Variants in TRIO observed in about 807,000 individuals in gnomAD.
TRIO encodes the protein triple functional domain protein.
TRIO carries 58 observed loss-of-function variants against 351.9 expected under a neutral mutation model. That is an observed-to-expected ratio of 0.16 (90% CI 0.13 to 0.21). The LOEUF is 0.21. TRIO is among the 10% of genes least tolerant of loss of function. The pLI is 1.00. For synonymous variants in TRIO, 1,758 were observed against 1,595.7 expected (o/e 1.10, Z -2.42); for missense variants, 3,201 against 4,027.8 (o/e 0.79, Z 5.56).
intron 1 of TRIO, among the ~76,000 whole-genome samples, chr5:14,252,397 G>A (rs937450848): frequency 7.2e-5 from 11 of 152,308 alleles, no homozygotes; most frequent in African/African-American, 2.4e-4. Context: ...CACGTTTACT[G>A]TTAGGTGCCC....
chr5:14,400,415 C>G lies in TRIO; in HGVS notation c.4615-548C>G, dbSNP rs150646806. ...TGGGGGAGGGGCTGAAGCTATTGAC[C>G]TTTCTCTGCATGCTTCCATGTTCTG... On this transcript the variant is annotated intron_variant, in intron 30 of 56. Transcript: ENST00000344204. 3.9e-3 allele frequency among the ~76,000 whole-genome samples: 601 copies of G among 152,232 alleles called. 9 individuals carry two copies. Among genetic ancestry groups the G allele is most frequent in the Admixed American group, 0.03 (466 of 15,298 alleles).
At chr5:14,272,111 C>G (rs1488667679) in intron 2 of TRIO, among the ~76,000 whole-genome samples, 2 of 152,194 alleles carry the variant, frequency 1.3e-5, no homozygotes, top group Admixed American at 1.3e-4. Context: ...TTGCTCTTCT[C>G]TAATCATTTA....
chr5:14,481,595 G>C lies in TRIO; in HGVS notation c.6442G>C (p.Val2148Leu), dbSNP rs915775173. ...VPRRCNDMMN[V>L]GRLQGFDGKI... Reference sequence around the variant, plus strand: ...CAGGCGGTGCAACGACATGATGAACGTGGGGCGGCTGCAAGGATTCGACGT... The same window carrying C: ...CAGGCGGTGCAACGACATGATGAACCTGGGGCGGCTGCAAGGATTCGACGT... Residue 2148 changes from valine to leucine, a missense_variant, in exon 45 of 57, where the codon GTG becomes CTG. Physicochemically the swap from Val to Leu is conservative, Grantham distance 32. Around this residue, in one of 19 missense-constraint regions of TRIO, gnomAD observed 307 missense variants for 396.5 expected, o/e 0.77. Transcript: ENST00000344204. 2 of 1,614,032 alleles carry C rather than the reference G, an allele frequency of 1.2e-6. No individual in the cohort carries two copies. The highest frequency in any genetic ancestry group is 1.3e-5 in the African/African-American group (1 of 74,982).
intron 49 of TRIO, among the ~76,000 whole-genome samples, chr5:14,496,540 C>G (rs562878394): frequency 6.6e-6 from 1 of 152,332 alleles, no homozygotes; most frequent in Admixed American, 6.5e-5. Flanking sequence ...CTGGACCCAT[C>G]AAAATGTTCA....
chr5:14,147,057 G>GT (rs1356373137), intron 1 of TRIO, among the ~76,000 whole-genome samples: 1 of 152,172 alleles, frequency 6.6e-6, no homozygotes, highest in East Asian at 1.9e-4. Context: ...TTAAAGAGCA[G>GT]TAAGAGATTT....
rs775361324 is a variant in TRIO at position 14,504,357 on chromosome 5, A to C, written c.8412-36A>C. The stretch of plus-strand genomic sequence containing the variant: ...GTCTTTCTCGGTGCCAGACCTCAGC[A>C]GCCTCTGCAAATGGTCCCCCTGACA... On this transcript the variant is annotated intron_variant, in intron 54 of 56. Transcript: ENST00000344204. 2.5e-6 allele frequency: 4 copies of C among 1,610,376 alleles called. No homozygotes were observed. In the South Asian group the frequency reaches 4.4e-5, roughly 18 times the overall value.
intron 37 of TRIO, among the ~76,000 whole-genome samples, chr5:14,468,828 T>A (rs1754469392): frequency 6.6e-6 from 1 of 152,206 alleles, no homozygotes; most frequent in Non-Finnish European, 1.5e-5. Flanking sequence ...GTTCAGCAGT[T>A]ACACAGTATG....
intron 8 of TRIO, among the ~76,000 whole-genome samples, chr5:14,311,717 C>A (rs569876119): frequency 1.1e-4 from 17 of 152,334 alleles, no homozygotes; most frequent in African/African-American, 3.4e-4. Context: ...AGAGTGAAAT[C>A]ATTCCCAGGC....
chr5:14,342,863 G>A (rs1742064085), intron 11 of TRIO, among the ~76,000 whole-genome samples: 1 of 152,160 alleles, frequency 6.6e-6, no homozygotes, highest in Non-Finnish European at 1.5e-5. Flanking sequence ...TCGCAAAGAT[G>A]AAAATTCACA....
At position 14,165,099 on chromosome 5, in the gene TRIO, C is replaced by T. The variant is rs140958159; in HGVS notation, c.157+21217C>T. 1.4e-4 allele frequency among the ~76,000 whole-genome samples: 21 copies of T among 152,314 alleles called. 1 individual carries two copies. The East Asian group carries it at 3.9e-3, about 28-fold the overall frequency. On this transcript the variant is annotated intron_variant, in intron 1 of 56. Transcript: ENST00000344204. Reference sequence around the variant, plus strand: ...ACCCGTGTTGCCCCTTTAAGCCTTCCCAGTAGCTCTACTTTTATTTTTATT... The same window carrying T: ...ACCCGTGTTGCCCCTTTAAGCCTTCTCAGTAGCTCTACTTTTATTTTTATT...
At chr5:14,388,128 G>GT (rs1214143234) in intron 23 of TRIO, among the ~76,000 whole-genome samples, 1 of 152,216 alleles carries the variant, frequency 6.6e-6, no homozygotes, top group Non-Finnish European at 1.5e-5. Context: ...GAAATTAATA[G>GT]TTTTTATCAC....
At chr5:14,503,638 G>A (rs900386089) in intron 54 of TRIO, among the ~76,000 whole-genome samples, 5 of 152,234 alleles carry the variant, frequency 3.3e-5, no homozygotes, top group African/African-American at 1.2e-4. Flanking sequence ...TGAAGGCCCA[G>A]CCTCAGAACG....
At chr5:14,341,554 T>C (rs1421813399) in intron 11 of TRIO, among the ~76,000 whole-genome samples, 1 of 152,260 alleles carries the variant, frequency 6.6e-6, no homozygotes, top group African/African-American at 2.4e-5. Context: ...TTCTAGCATA[T>C]TATTCTGAGA....
intron 38 of TRIO, among the ~76,000 whole-genome samples, chr5:14,471,716 T>A (rs1754703730): frequency 6.6e-6 from 1 of 152,236 alleles, no homozygotes; most frequent in African/African-American, 2.4e-5. Flanking sequence ...AAATGTCTTC[T>A]GCCACATGTG....
chr5:14,372,899 A>G (rs1309412517), intron 18 of TRIO, among the ~76,000 whole-genome samples: 2 of 152,152 alleles, frequency 1.3e-5, no homozygotes, highest in Admixed American at 1.3e-4. Context: ...GTGAAGAAAT[A>G]CCTGAGAATG....
In TRIO at chr5:14,456,863, GAT is replaced by G. The variant is rs1311346609; in HGVS notation, c.5204-4153_5204-4152del. Among the ~76,000 whole-genome samples the G allele has an allele frequency of 4.6e-5, 7 of 152,272 alleles. No individual in the cohort carries two copies. In the East Asian group the frequency reaches 1.3e-3, roughly 29 times the overall value. ...ATTTTTCAGATAGCTAAAAATAATA[GAT>G]ATGTTATTTCATTCTGTTAATGATG... On this transcript the variant is annotated intron_variant, in intron 34 of 56. Coordinates refer to ENST00000344204, the MANE Select transcript of TRIO (RefSeq NM_007118.4).
intron 34 of TRIO, among the ~76,000 whole-genome samples, chr5:14,460,517 T>A (rs1257023928): frequency 6.6e-6 from 1 of 152,258 alleles, no homozygotes; most frequent in Non-Finnish European, 1.5e-5. Context: ...TTTTGTTCAC[T>A]GGTAGAGAAT....
intron 1 of TRIO, among the ~76,000 whole-genome samples, chr5:14,240,833 C>T (rs372974238): frequency 7.2e-5 from 11 of 151,856 alleles, no homozygotes; most frequent in East Asian, 1.9e-4. Context: ...TTTGGGTGTT[C>T]CCCCCCACCC....
At chr5:14,157,551 C>G (rs1372671444) in intron 1 of TRIO, among the ~76,000 whole-genome samples, 4 of 151,462 alleles carry the variant, frequency 2.6e-5, no homozygotes, top group Admixed American at 6.6e-5. Context: ...CCCTGTCTCT[C>G]TCTCTCTCCC....
Sources: gnomAD v4.1 joint callset for allele counts (sites outside exome capture counted in the v4.1 genomes callset) on GRCh38, gnomAD v4.1.1 for gene constraint, gnomAD v4.1.1 regional missense constraint, MANE v1.5 for transcripts, NCBI Gene and HGNC (gene_info 2026-07-23, HGNC 2026-07-21) for gene names.